The following ZNF605 variants were observed in gnomAD, a reference collection of about 807,000 sequenced individuals.
The protein encoded by ZNF605 is zinc finger protein 605.
In ZNF605, 9 loss-of-function variants were observed where a neutral mutation model predicts 7.9. The ratio of observed to expected loss-of-function variants is 1.14; its 90% confidence interval spans 0.68 to 1.98. The LOEUF is 1.98. Ranked by LOEUF, ZNF605 falls within the 30% of genes most tolerant of loss-of-function variation. ZNF605 has a pLI of 0.00. For missense variants in ZNF605, 673 were observed against 762.4 expected (o/e 0.88, Z 1.38); for synonymous variants, 255 against 260.1 (o/e 0.98, Z 0.19).
At position 132,933,119 on chromosome 12, in the gene ZNF605, C is replaced by T. The variant is rs1952323479; in HGVS notation, c.52G>A (p.Glu18Lys). The change falls in exon 4 of 5, where the codon GAG (glutamate) becomes AAG (lysine). Residue 18 changes from glutamate (E) to lysine (K), a missense_variant. Coordinates refer to ENST00000360187, the MANE Select transcript of ZNF605 (RefSeq NM_183238.4). This position sits in a 1 kb window ranked among gnomAD's most constrained non-coding sequence, Gnocchi z 4.4. ...FEDVAVDFTLEEWQLLNPTQK... is the reference protein window; with the variant it reads ...FEDVAVDFTLKEWQLLNPTQK... ...GTAGGATTAAGTAGCTGCCATTCCT[C>T]CAGCGTGAAATCCACAGCCACATCC... 3.1e-6 allele frequency: 5 copies of T among 1,611,778 alleles called. No individual in the cohort carries two copies. The East Asian group carries it at 1.1e-4, about 36-fold the overall frequency.
intron 3 of ZNF605, among the ~76,000 whole-genome samples, chr12:132,943,754 A>G (rs969832757): frequency 6.6e-6 from 1 of 151,218 alleles, no homozygotes; most frequent in African/African-American, 2.4e-5. Flanking sequence ...GGCTGAGGGC[A>G]AAGAGACAAT....
rs372832218 is a variant in ZNF605 at position 132,925,385 on chromosome 12, A to C, written c.1914T>G (p.Asn638Lys). The C allele has an allele frequency of 3.8e-6, 6 of 1,577,858 alleles. No individual in the cohort carries two copies. The African/African-American group carries it at 8.2e-5, about 22-fold the overall frequency. The change falls in exon 5 of 5, where the codon AAT becomes AAG. Residue 638 changes from asparagine (N) to lysine (K), a missense_variant. Physicochemically the swap from Asn to Lys is moderately conservative, Grantham distance 94 (BLOSUM62 0). Coordinates refer to ENST00000360187, the MANE Select transcript of ZNF605 (RefSeq NM_183238.4). The part of the protein sequence containing the change: ...RKSQLMIHQR[N>K]HII The stretch of plus-strand genomic sequence containing the variant: ...AAAGTCATGATTTTTATATTATATG[A>C]TTTCTCTGATGTATCATAAGCTGCG...
chr12:132,939,375 A>G (rs1486721288), intron 3 of ZNF605, among the ~76,000 whole-genome samples: 35 of 151,612 alleles, frequency 2.3e-4, no homozygotes, highest in Non-Finnish European at 7.4e-5. Context: ...GTCTAGCTCA[A>G]GGATTGTAAA....
In ZNF605 at chr12:132,945,338, T is replaced by C. The variant is rs962609918; in HGVS notation, c.15+283A>G. The C allele has an allele frequency of 6.3e-4, 680 of 1,077,760 alleles. 1 individual carries two copies. Among genetic ancestry groups the C allele is most frequent in the Middle Eastern group, 1.5e-3 (5 of 3,304 alleles). 66.8% of individuals were successfully genotyped at this position (1,077,760 alleles called of 1,614,324 possible). On this transcript the variant is annotated intron_variant, in intron 3 of 4. Transcript: ENST00000360187. ...TCTTTCCCAAGTTTATATTTTCTCTTATTTAAATGTATTTAGACCCTTCTG... is the reference window on the plus strand; with the variant it reads ...TCTTTCCCAAGTTTATATTTTCTCTCATTTAAATGTATTTAGACCCTTCTG...
Position 132,945,674 on chromosome 12 carries a change from C to T in ZNF605, c.-39G>A. 1.2e-6 allele frequency: 2 copies of T among 1,614,248 alleles called. No individual in the cohort carries two copies. Among genetic ancestry groups the T allele is most frequent in the Non-Finnish European group, 1.7e-6 (2 of 1,180,044 alleles). On this transcript the variant is annotated 5_prime_UTR_variant, in exon 3 of 5. Coordinates refer to ENST00000360187, the MANE Select transcript of ZNF605 (RefSeq NM_183238.4). ...TGGGAAATCTGCTGTTTTGTGACTT[C>T]TCTTAGTCCTGACACCCTGGAGTGG...
intron 1 of ZNF605, among the ~76,000 whole-genome samples, chr12:132,951,385 TAC>T (rs1292126987): frequency 4.7e-4 from 64 of 137,518 alleles, no homozygotes; most frequent in African/African-American, 1.7e-3. Context: ...CACATATACG[TAC>T]ACACAGATAC....
At position 132,933,378 on chromosome 12, in the gene ZNF605, C is replaced by T. The variant is rs1952325346; in HGVS notation, c.16-223G>A. On this transcript the variant is annotated intron_variant, in intron 3 of 4. Coordinates refer to ENST00000360187, the MANE Select transcript of ZNF605 (RefSeq NM_183238.4). The surrounding 1 kb of genome is among the most constrained non-coding windows in gnomAD (Gnocchi z 4.4). ...ACATGATGAGATGCCACTTCCAAGA[C>T]TAGGTTAGAAAGAAATGCAACTTCT... Among the ~76,000 whole-genome samples, 1 of 152,176 alleles carries T rather than the reference C, an allele frequency of 6.6e-6. No individual in the cohort carries two copies. The highest frequency in any genetic ancestry group is 1.5e-5 in the Non-Finnish European group (1 of 68,044).
At chr12:132,955,040 T>A (rs1952621129) in intron 1 of ZNF605, among the ~76,000 whole-genome samples, 2 of 151,908 alleles carry the variant, frequency 1.3e-5, no homozygotes, top group Admixed American at 1.3e-4. Context: ...TATTCAGCTG[T>A]CAAATAAAAC....
At chr12:132,930,125 G>A (rs949183995) in intron 4 of ZNF605, among the ~76,000 whole-genome samples, 16 of 152,300 alleles carry the variant, frequency 1.1e-4, no homozygotes, top group Admixed American at 8.5e-4. Flanking sequence ...CAAACTCCCA[G>A]GCTCAAGTGA....
intron 4 of ZNF605, among the ~76,000 whole-genome samples, chr12:132,932,245 C>T (rs1251832095): frequency 1.3e-5 from 2 of 152,056 alleles, no homozygotes; most frequent in African/African-American, 4.8e-5. Context: ...TGAGCTACTG[C>T]GCCCAGCCTA....
chr12:132,943,862 T>A (rs1198856777), intron 3 of ZNF605, among the ~76,000 whole-genome samples: 3 of 152,138 alleles, frequency 2.0e-5, no homozygotes, highest in African/African-American at 7.2e-5. Flanking sequence ...AGGCTGGAGC[T>A]TGCTGGACAG....
At chr12:132,931,419 A>G (rs1318679494) in intron 4 of ZNF605, among the ~76,000 whole-genome samples, 1 of 152,214 alleles carries the variant, frequency 6.6e-6, no homozygotes, top group Non-Finnish European at 1.5e-5. Flanking sequence ...GATAATGTCC[A>G]TCAGGCCTGA....
chr12:132,949,224 A>G (rs920078979), intron 1 of ZNF605, among the ~76,000 whole-genome samples: 7 of 152,214 alleles, frequency 4.6e-5, no homozygotes, highest in Admixed American at 2.0e-4. Context: ...CCAGACGTGC[A>G]GGCTCCTACT....
Position 132,925,267 on chromosome 12 carries a change from AAC to A in ZNF605, c.*104_*105del, listed in dbSNP as rs1952235186. On this transcript the variant is annotated 3_prime_UTR_variant, in exon 5 of 5. Coordinates refer to ENST00000360187, the MANE Select transcript of ZNF605 (RefSeq NM_183238.4). The stretch of plus-strand genomic sequence containing the variant: ...TTGACTCCTCAATTCAAGCTTTTTC[AAC>A]AGTCACTGCCTCAATAGGGTTTCTC... 2 of 810,960 alleles carry A rather than the reference AAC, an allele frequency of 2.5e-6. No individual in the cohort carries two copies. The highest frequency in any genetic ancestry group is 3.5e-5 in the African/African-American group (2 of 57,560). The allele number at this position is 810,960 out of a possible 1,614,324, so 50.2% of individuals were successfully genotyped here.
chr12:132,944,392 G>A (rs922207888), intron 3 of ZNF605, among the ~76,000 whole-genome samples: 25 of 152,280 alleles, frequency 1.6e-4, no homozygotes, highest in Non-Finnish European at 2.9e-4. Flanking sequence ...TCCTCCGAAA[G>A]GTGAGGGGAC....
intron 1 of ZNF605, among the ~76,000 whole-genome samples, chr12:132,952,094 C>T (rs1018374113): frequency 9.2e-5 from 14 of 152,018 alleles, no homozygotes; most frequent in East Asian, 1.9e-4. Flanking sequence ...ACAAGATGTA[C>T]GGTGTCTCTG....
Position 132,926,578 on chromosome 12 carries a change from T to G in ZNF605, c.721A>C (p.Ile241Leu). 1 of 1,614,190 alleles carries G rather than the reference T, an allele frequency of 6.2e-7. No individual in the cohort carries two copies. Among genetic ancestry groups the G allele is most frequent in the South Asian group, 1.1e-5 (1 of 91,088 alleles). The part of the protein sequence containing the change: ...QKAFSRKSLL[I>L]LHQRIHTGEK... ...CCAGTATGAATTCTCTGATGTAAAATGAGGAGTGACTTCCTACTAAAAGCT... is the reference window on the plus strand; with the variant it reads ...CCAGTATGAATTCTCTGATGTAAAAGGAGGAGTGACTTCCTACTAAAAGCT... The change falls in exon 5 of 5, where the codon ATT becomes CTT. Residue 241 changes from isoleucine to leucine, a missense_variant. Transcript: ENST00000360187.
In ZNF605 at chr12:132,933,518, A is replaced by G. The variant is rs1485872156; in HGVS notation, c.16-363T>C. Among the ~76,000 whole-genome samples, 3 of 152,210 alleles carry G rather than the reference A, an allele frequency of 2.0e-5. No individual in the cohort carries two copies. Among genetic ancestry groups the G allele is most frequent in the Non-Finnish European group, 4.4e-5 (3 of 68,046 alleles). ...CCCAACAGCCACTGAGTGAGCCTGG[A>G]GGAGCCAGCTCCTTCCTCGCTGCAG... On this transcript the variant is annotated intron_variant, in intron 3 of 4. Transcript: ENST00000360187. This position sits in a 1 kb window ranked among gnomAD's most constrained non-coding sequence, Gnocchi z 4.4.
chr12:132,951,030 TCA>T (rs1952557537), intron 1 of ZNF605, among the ~76,000 whole-genome samples: 1 of 142,398 alleles, frequency 7.0e-6, no homozygotes, highest in East Asian at 2.1e-4. Context: ...AACACGTACA[TCA>T]CAGACATGTA....
Sources: allele counts gnomAD v4.1 joint callset (sites outside exome capture counted in the v4.1 genomes callset), GRCh38; gene constraint gnomAD v4.1.1; non-coding constraint Gnocchi (gnomAD v3.1); transcripts MANE v1.5; gene names NCBI Gene and HGNC (gene_info 2026-07-23, HGNC 2026-07-21).